The following GDF7 variants were observed in gnomAD, a reference collection of about 807,000 sequenced individuals.
GDF7 encodes the protein growth differentiation factor 7.
GDF7 carries 12 observed loss-of-function variants against 13.4 expected under a neutral mutation model. The ratio of observed to expected loss-of-function variants is 0.90; its 90% CI spans 0.57 to 1.45. The LOEUF is 1.45. GDF7 is among the 40% of genes most tolerant of loss of function. The probability of loss-of-function intolerance (pLI) is 0.00; values close to 1 mark genes in which losing one functional copy is unlikely to be tolerated. For missense variants in GDF7, 651 were observed against 652.4 expected, an observed-to-expected ratio of 1.00 and a Z score of 0.02; for synonymous variants, 330 against 306.4, an observed-to-expected ratio of 1.08 and a Z score of -0.80.
chr2:20,670,053 C>G (rs987665346), intron 1 of GDF7, among the ~76,000 whole-genome samples: 2 of 152,176 alleles, frequency 1.3e-5, no homozygotes, highest in Admixed American at 1.3e-4. Context: ...AGGGGGTGCA[C>G]GACTTCTTTT....
In GDF7 at chr2:20,673,104, C is replaced by T. The variant is rs866526539; in HGVS notation, c.*1679C>T. On this transcript the variant is annotated 3_prime_UTR_variant, in exon 2 of 2. Transcript: ENST00000272224. ...CACATTTTGATTCTCAGTGATTACA[C>T]TCTTGAGAGAGAGAAGACAGACTTA... 13 of 152,090 alleles carry T rather than the reference C, an allele frequency of 8.5e-5. No homozygotes were observed. The highest frequency in any genetic ancestry group is 2.7e-4 in the African/African-American group (11 of 41,400). 9.4% of individuals were successfully genotyped at this position (152,090 alleles called of 1,614,324 possible). A position where few individuals can be genotyped will look rare whatever the true frequency, so the allele number is the denominator to read the frequency against.
Position 20,677,310 on chromosome 2 carries a change from G to T in GDF7, c.*5885G>T, listed in dbSNP as rs1164776663. On this transcript the variant is annotated 3_prime_UTR_variant, in exon 2 of 2. Coordinates refer to ENST00000272224, the MANE Select transcript of GDF7 (RefSeq NM_182828.4). ...AACAAGAAGCTTCTGTCACACCCAG[G>T]CCACTTTCGGCAGAGTGGTCCAGAG... 6.6e-6 allele frequency: 1 copy of T among 152,240 alleles called. No homozygotes were observed. Among genetic ancestry groups the T allele is most frequent in the Non-Finnish European group, 1.5e-5 (1 of 68,054 alleles). 9.4% of individuals were successfully genotyped at this position (152,240 alleles called of 1,614,324 possible). A position where few individuals can be genotyped will look rare whatever the true frequency, so the allele number is the denominator to read the frequency against.
Position 20,667,450 on chromosome 2 carries a change from C to G in GDF7, c.211C>G (p.Arg71Gly), listed in dbSNP as rs1201339072. ...AVPAAAVPRARAARRAAGSGF... is the reference protein window; with the variant it reads ...AVPAAAVPRAGAARRAAGSGF... Reference sequence around the variant, plus strand: ...CCCGGCCGCCGCGGTTCCCCGGGCCCGCGCCGCGCGCCGCGCCGCGGGCTC... The same window carrying G: ...CCCGGCCGCCGCGGTTCCCCGGGCCGGCGCCGCGCGCCGCGCCGCGGGCTC... Residue 71 changes from arginine (R) to glycine (G), a missense_variant, in exon 1 of 2, where the codon CGC becomes GGC. By Grantham distance (125) the Arg-to-Gly change is moderately radical. Around this residue, in one of 4 missense-constraint regions of GDF7, gnomAD observed 487 missense variants for 445.9 expected, o/e 1.09. Coordinates refer to ENST00000272224, the MANE Select transcript of GDF7 (RefSeq NM_182828.4). This position sits in a 1 kb window ranked among gnomAD's most constrained non-coding sequence, Gnocchi z 6.4. 1.8e-6 allele frequency: 2 copies of G among 1,133,682 alleles called. No homozygotes were observed. Among genetic ancestry groups the G allele is most frequent in the East Asian group, 4.0e-5 (1 of 24,880 alleles). The allele number at this position is 1,133,682 out of a possible 1,614,324, so 70.2% of individuals were successfully genotyped here.
chr2:20,678,285 C>G lies in GDF7; in HGVS notation c.*6860C>G, dbSNP rs1662266835. 1 of 152,208 alleles carries G rather than the reference C, an allele frequency of 6.6e-6. No individual in the cohort carries two copies. Among genetic ancestry groups the G allele is most frequent in the Non-Finnish European group, 1.5e-5 (1 of 68,036 alleles). The allele number at this position is 152,208 out of a possible 1,614,324, so 9.4% of individuals were successfully genotyped here. On this transcript the variant is annotated 3_prime_UTR_variant, in exon 2 of 2. Transcript: ENST00000272224. The stretch of plus-strand genomic sequence containing the variant: ...AGAATAATTTTATTTTTGTATTTCA[C>G]TTTACACTGTAATGCAAACAGCTTT...
rs1274572705 is a variant in GDF7 at position 20,677,765 on chromosome 2, T to C, written c.*6340T>C. 6.6e-6 allele frequency: 1 copy of C among 152,196 alleles called. No individual in the cohort carries two copies. The highest frequency in any genetic ancestry group is 1.5e-5 in the Non-Finnish European group (1 of 68,032). 9.4% of individuals were successfully genotyped at this position (152,196 alleles called of 1,614,324 possible). ...AACTGCACACACCTTTTCTCTGGTTTTTAGTACTCACAGGTCATCCTGGGG... is the reference window on the plus strand; with the variant it reads ...AACTGCACACACCTTTTCTCTGGTTCTTAGTACTCACAGGTCATCCTGGGG... On this transcript the variant is annotated 3_prime_UTR_variant, in exon 2 of 2. Coordinates refer to ENST00000272224, the MANE Select transcript of GDF7 (RefSeq NM_182828.4).
chr2:20,667,334 CG>C lies in GDF7; in HGVS notation c.100del (p.Ala34LeufsTer59), dbSNP rs1162095659. ...GLEAAAVLRA[A>X]GAGPVRSPGG... The stretch of plus-strand genomic sequence containing the variant: ...GAAGCGGCCGCCGTGCTGCGAGCGG[CG>C]GGGGCTGGGCCGGTCCGGAGCCCAG... On this transcript the variant is annotated frameshift_variant, in exon 1 of 2. Coordinates refer to ENST00000272224, the MANE Select transcript of GDF7 (RefSeq NM_182828.4). LOFTEE classifies it high-confidence loss of function. This position sits in a 1 kb window ranked among gnomAD's most constrained non-coding sequence, Gnocchi z 6.4. The C allele has an allele frequency of 1.9e-6, 2 of 1,044,656 alleles. No homozygotes were observed. The highest frequency in any genetic ancestry group is 3.5e-5 in the South Asian group (1 of 28,630). The allele number at this position is 1,044,656 out of a possible 1,614,324, so 64.7% of individuals were successfully genotyped here.
chr2:20,676,453 C>T lies in GDF7; in HGVS notation c.*5028C>T. ...TCTGGACTTTAATCTGTGTGCACAG[C>T]TTAGTGCGTCACAAATAGTAACTGA... On this transcript the variant is annotated 3_prime_UTR_variant, in exon 2 of 2. Coordinates refer to ENST00000272224, the MANE Select transcript of GDF7 (RefSeq NM_182828.4). 6.6e-6 allele frequency: 1 copy of T among 152,382 alleles called. No homozygotes were observed. Among genetic ancestry groups the T allele is most frequent in the Non-Finnish European group, 1.5e-5 (1 of 68,080 alleles). The allele number at this position is 152,382 out of a possible 1,614,324, so 9.4% of individuals were successfully genotyped here.
chr2:20,671,147 A>G lies in GDF7; in HGVS notation c.1075A>G (p.Lys359Glu). Residue 359 changes from lysine (K) to glutamate (E), a missense_variant, in exon 2 of 2, where the codon AAG (lysine) becomes GAG (glutamate). Transcript: ENST00000272224. ...CCGCAAGCCGTTGCACGTGGACTTC[A>G]AGGAGCTCGGCTGGGACGACTGGAT... ...CSRKPLHVDFKELGWDDWIIA... is the reference protein window; with the variant it reads ...CSRKPLHVDFEELGWDDWIIA... 1.9e-6 allele frequency: 3 copies of G among 1,612,278 alleles called. No individual in the cohort carries two copies. The highest frequency in any genetic ancestry group is 1.7e-6 in the Non-Finnish European group (2 of 1,179,550).
intron 1 of GDF7, among the ~76,000 whole-genome samples, chr2:20,668,589 G>A (rs961001669): frequency 1.3e-5 from 2 of 152,246 alleles, no homozygotes; most frequent in African/African-American, 2.4e-5. Flanking sequence ...AAAGAAAGGC[G>A]AATAGGGCTG....
Position 20,667,257 on chromosome 2 carries a change from C to T in GDF7, c.18C>T (p.Ala6=). 8.1e-7 allele frequency: 1 copy of T among 1,239,458 alleles called. No homozygotes were observed. Among genetic ancestry groups the T allele is most frequent in the Non-Finnish European group, 1.0e-6 (1 of 983,650 alleles). 76.8% of individuals were successfully genotyped at this position (1,239,458 alleles called of 1,614,324 possible). MDLSA[A]AALCLWLLSA... The stretch of plus-strand genomic sequence containing the variant: ...CGGAGCCCATGGACCTGAGCGCCGC[C>T]GCCGCGCTGTGCCTTTGGCTGCTGA... Residue 6 remains alanine (A), a synonymous_variant, in exon 1 of 2, where the codon GCC becomes GCT. Transcript: ENST00000272224. This position sits in a 1 kb window ranked among gnomAD's most constrained non-coding sequence, Gnocchi z 6.4.
At position 20,672,127 on chromosome 2, in the gene GDF7, C is replaced by CCT. The variant is rs1662138262; in HGVS notation, c.*702_*703insCT. 11 of 112,448 alleles carry CCT rather than the reference C, an allele frequency of 9.8e-5. No individual in the cohort carries two copies. The highest frequency in any genetic ancestry group is 3.2e-4 in the African/African-American group (9 of 28,188). 7.0% of individuals were successfully genotyped at this position (112,448 alleles called of 1,614,324 possible). A position where few individuals can be genotyped will look rare whatever the true frequency, so the allele number is the denominator to read the frequency against. On this transcript the variant is annotated 3_prime_UTR_variant, in exon 2 of 2. Coordinates refer to ENST00000272224, the MANE Select transcript of GDF7 (RefSeq NM_182828.4). Reference sequence around the variant, plus strand: ...CCGCCACCCCCCCCCCCCCCCCCGCCTTTTTTTTTTTTTTTTTTAATCAAT... The same window carrying CCT: ...CCGCCACCCCCCCCCCCCCCCCCGCCCTTTTTTTTTTTTTTTTTTTAATCAAT...
chr2:20,672,155 C>T lies in GDF7; in HGVS notation c.*730C>T, dbSNP rs1662139136. Reference sequence around the variant, plus strand: ...TTTTTTTTTTTTTTTTAATCAATTCCAATAGGAAATGTTATGGAAAGTGGA... The same window carrying T: ...TTTTTTTTTTTTTTTTAATCAATTCTAATAGGAAATGTTATGGAAAGTGGA... On this transcript the variant is annotated 3_prime_UTR_variant, in exon 2 of 2. Transcript: ENST00000272224. 1 of 133,416 alleles carries T rather than the reference C, an allele frequency of 7.5e-6. No individual in the cohort carries two copies. The highest frequency in any genetic ancestry group is 2.9e-5 in the African/African-American group (1 of 34,540). The allele number at this position is 133,416 out of a possible 1,614,324, so 8.3% of individuals were successfully genotyped here.
chr2:20,670,474 A>C lies in GDF7; in HGVS notation c.402A>C (p.Ala134=), dbSNP rs1176752877. 1.3e-6 allele frequency: 2 copies of C among 1,539,584 alleles called. No homozygotes were observed. Among genetic ancestry groups the C allele is most frequent in the Admixed American group, 2.0e-5 (1 of 50,434 alleles). The change falls in exon 2 of 2, where the codon GCA becomes GCC. Residue 134 remains alanine (A), a synonymous_variant. Transcript: ENST00000272224. ...GCCGGTCCCCCGCAGACGAATCGGC[A>C]GCCGAAACAGGCCAGAGCTTCCTGT... The part of the protein sequence containing the change: ...FTDQATQDES[A]AETGQSFLFD...
In GDF7 at chr2:20,667,245, C is replaced by T. The variant is rs1310040051; in HGVS notation, c.6C>T (p.Asp2=). 1.6e-6 allele frequency: 2 copies of T among 1,235,600 alleles called. No individual in the cohort carries two copies. The highest frequency in any genetic ancestry group is 2.2e-5 in the South Asian group (1 of 45,242). The allele number at this position is 1,235,600 out of a possible 1,614,324, so 76.5% of individuals were successfully genotyped here. A position where few individuals can be genotyped will look rare whatever the true frequency, so the allele number is the denominator to read the frequency against. The part of the protein sequence containing the change: M[D]LSAAAALCLW... The stretch of plus-strand genomic sequence containing the variant: ...CCGCCCGGCCCACGGAGCCCATGGA[C>T]CTGAGCGCCGCCGCCGCGCTGTGCC... The change falls in exon 1 of 2, where the codon GAC becomes GAT. Residue 2 remains aspartate, a synonymous_variant. Coordinates refer to ENST00000272224, the MANE Select transcript of GDF7 (RefSeq NM_182828.4). The surrounding 1 kb of genome is among the most constrained non-coding windows in gnomAD (Gnocchi z 6.4).
rs757919655 is a variant in GDF7 at position 20,670,709 on chromosome 2, G to T, written c.637G>T (p.Val213Leu). The T allele has an allele frequency of 4.7e-6, 7 of 1,477,966 alleles. No individual in the cohort carries two copies. Among genetic ancestry groups the T allele is most frequent in the Non-Finnish European group, 4.5e-6 (5 of 1,119,942 alleles). The allele number at this position is 1,477,966 out of a possible 1,614,324, so 91.6% of individuals were successfully genotyped here. ...CGGTCAGCGCTGGGAGGCGTTCGACGTGGCGGACGCCATGAGGCGCCACCG... is the reference window on the plus strand; with the variant it reads ...CGGTCAGCGCTGGGAGGCGTTCGACTTGGCGGACGCCATGAGGCGCCACCG... ...LVGQRWEAFDVADAMRRHRRE... is the reference protein window; with the variant it reads ...LVGQRWEAFDLADAMRRHRRE... Residue 213 changes from valine to leucine, a missense_variant, in exon 2 of 2, where the codon GTG becomes TTG. Val to Leu is a conservative substitution (Grantham distance 32). Coordinates refer to ENST00000272224, the MANE Select transcript of GDF7 (RefSeq NM_182828.4).
rs998635068 is a variant in GDF7 at position 20,677,025 on chromosome 2, C to T, written c.*5600C>T. 1.3e-5 allele frequency: 2 copies of T among 152,236 alleles called. No individual in the cohort carries two copies. The highest frequency in any genetic ancestry group is 4.8e-5 in the African/African-American group (2 of 41,446). 9.4% of individuals were successfully genotyped at this position (152,236 alleles called of 1,614,324 possible). ...GGGTTTCTCTCACACGTTTCCCTGA[C>T]AGTGGCAAGGGGGCTGCAGCGGTCA... On this transcript the variant is annotated 3_prime_UTR_variant, in exon 2 of 2. Coordinates refer to ENST00000272224, the MANE Select transcript of GDF7 (RefSeq NM_182828.4).
rs775268097 is a variant in GDF7 at position 20,670,836 on chromosome 2, C to T, written c.764C>T (p.Pro255Leu). The T allele has an allele frequency of 2.0e-6, 3 of 1,494,334 alleles. No individual in the cohort carries two copies. Among genetic ancestry groups the T allele is most frequent in the East Asian group, 2.7e-5 (1 of 37,138 alleles). 92.6% of individuals were successfully genotyped at this position (1,494,334 alleles called of 1,614,324 possible). ...LALRRLGFGWPGGGGSAAEER... is the reference protein window; with the variant it reads ...LALRRLGFGWLGGGGSAAEER... ...CTGCGGCGGCTGGGCTTCGGCTGGC[C>T]GGGCGGAGGGGGCTCTGCGGCAGAG... The change falls in exon 2 of 2, where the codon CCG becomes CTG. Residue 255 changes from proline to leucine, a missense_variant. Pro to Leu is a moderately conservative substitution (Grantham distance 98). Coordinates refer to ENST00000272224, the MANE Select transcript of GDF7 (RefSeq NM_182828.4).
In GDF7 at chr2:20,674,150, AG is replaced by A. The variant is rs1033476577; in HGVS notation, c.*2727del. 5 of 152,192 alleles carry A rather than the reference AG, an allele frequency of 3.3e-5. No homozygotes were observed. Among genetic ancestry groups the A allele is most frequent in the African/African-American group, 1.2e-4 (5 of 41,454 alleles). The allele number at this position is 152,192 out of a possible 1,614,324, so 9.4% of individuals were successfully genotyped here. On this transcript the variant is annotated 3_prime_UTR_variant, in exon 2 of 2. Coordinates refer to ENST00000272224, the MANE Select transcript of GDF7 (RefSeq NM_182828.4). ...TAGCACCCTGAGCTCTCTGTCTTCT[AG>A]GTAGCGGGGGACAGGCCTGGGTGAC...
chr2:20,670,649 C>G lies in GDF7; in HGVS notation c.577C>G (p.Arg193Gly), dbSNP rs1017294631. Residue 193 changes from arginine to glycine, a missense_variant, in exon 2 of 2, where the codon CGC becomes GGC. This residue lies in a region of GDF7 where 487 missense variants were observed against 445.9 expected (regional missense o/e 1.09). Transcript: ENST00000272224. ...GTGCCCGGGCGCCGCCCGAGCGCCA[C>G]GCCTGCTGTACTCGCGGGCAGCTGA... ...STCPGAARAP[R>G]LLYSRAAEPL... The G allele has an allele frequency of 1.3e-6, 2 of 1,548,252 alleles. No homozygotes were observed. Among genetic ancestry groups the G allele is most frequent in the Non-Finnish European group, 1.7e-6 (2 of 1,151,182 alleles).
Sources: allele counts gnomAD v4.1 joint callset (sites outside exome capture counted in the v4.1 genomes callset), GRCh38; gene constraint gnomAD v4.1.1; regional missense constraint gnomAD v4.1.1; non-coding constraint Gnocchi (gnomAD v3.1); transcripts MANE v1.5; gene names NCBI Gene and HGNC (gene_info 2026-07-23, HGNC 2026-07-21).